The following TMEM232 variants were observed in gnomAD, a reference collection of about 807,000 sequenced individuals.
TMEM232 encodes the protein transmembrane protein 232.
In TMEM232, 80 loss-of-function variants were observed where a neutral mutation model predicts 78.8. The observed-to-expected ratio is 1.01, with a 90% confidence interval of 0.85 to 1.22. The LOEUF (loss-of-function observed/expected upper bound fraction) is 1.22. TMEM232 is among the 50% of genes most tolerant of loss of function. The probability of loss-of-function intolerance (pLI) is 0.00; values close to 1 mark genes in which losing one functional copy is unlikely to be tolerated. For synonymous variants in TMEM232, 297 were observed against 254.3 expected, an observed-to-expected ratio of 1.17 and a Z score of -1.60; for missense variants, 881 against 742.2, an observed-to-expected ratio of 1.19 and a Z score of -2.17.
At chr5:110,718,188 G>C (rs1202290580) in intron 1 of TMEM232, among the ~76,000 whole-genome samples, 3 of 151,934 alleles carry the variant, frequency 2.0e-5, no homozygotes, top group Non-Finnish European at 4.4e-5. Flanking sequence ...ATTATAGAAT[G>C]CCGTGCTAGA....
intron 12 of TMEM232, among the ~76,000 whole-genome samples, chr5:110,490,271 C>A (rs1764940996): frequency 6.6e-6 from 1 of 151,940 alleles, no homozygotes; most frequent in Non-Finnish European, 1.5e-5. Context: ...GTTCAATTTG[C>A]CATAGTATCA....
chr5:110,737,097 T>C (rs902920512), intron 1 of TMEM232, among the ~76,000 whole-genome samples: 4 of 152,124 alleles, frequency 2.6e-5, no homozygotes, highest in African/African-American at 7.2e-5. Context: ...TGACAGGATA[T>C]ATTTATCTGT....
chr5:110,642,368 T>A lies in TMEM232; in HGVS notation c.129A>T (p.Pro43=). 1 of 1,503,890 alleles carries A rather than the reference T, an allele frequency of 6.6e-7. No homozygotes were observed. The highest frequency in any genetic ancestry group is 8.9e-7 in the Non-Finnish European group (1 of 1,129,506). The allele number at this position is 1,503,890 out of a possible 1,614,324, so 93.2% of individuals were successfully genotyped here. ...LSGERGHKSR[P]TFSITKEFIL... ...TGAATTCTTTTGTGATTGAAAATGT[T>A]GGCCTAAATAAAACATTGAAAAATT... Residue 43 remains proline, a synonymous_variant, in exon 3 of 14, where the codon CCA becomes CCT. Coordinates refer to ENST00000455884, the MANE Select transcript of TMEM232 (RefSeq NM_001039763.4).
At chr5:110,391,818 C>G (rs567373442) in intron 3 of TMEM232, among the ~76,000 whole-genome samples, 6 of 152,216 alleles carry the variant, frequency 3.9e-5, no homozygotes, top group Admixed American at 6.5e-5. Context: ...CTTGTAAAAA[C>G]AGAAGAATGA....
intron 6 of TMEM232, among the ~76,000 whole-genome samples, chr5:110,627,359 C>A (rs1784546882): frequency 6.6e-6 from 1 of 151,790 alleles, no homozygotes; most frequent in African/African-American, 2.4e-5. Flanking sequence ...AGTGAAAAAG[C>A]AGAATACAGA....
intron 12 of TMEM232, among the ~76,000 whole-genome samples, chr5:110,458,070 A>C (rs968639847): frequency 6.6e-6 from 1 of 152,118 alleles, no homozygotes; most frequent in Non-Finnish European, 1.5e-5. Context: ...TTCATCTCAA[A>C]TTAATCTTTC....
chr5:110,572,883 A>G (rs1345607731), intron 10 of TMEM232, among the ~76,000 whole-genome samples: 1 of 152,102 alleles, frequency 6.6e-6, no homozygotes, highest in Admixed American at 6.6e-5. Context: ...TCTAATTTGC[A>G]CATCTAGACA....
intron 12 of TMEM232, among the ~76,000 whole-genome samples, chr5:110,490,185 GA>G (rs1277406495): frequency 1.5e-5 from 2 of 132,118 alleles, no homozygotes; most frequent in Non-Finnish European, 3.1e-5. Context: ...AAGAAAGAAA[GA>G]AAGAAAAAGT....
intron 10 of TMEM232, among the ~76,000 whole-genome samples, chr5:110,592,347 G>A (rs1214289030): frequency 1.3e-5 from 2 of 152,006 alleles, no homozygotes; most frequent in East Asian, 1.9e-4. Flanking sequence ...CATTTCTCAC[G>A]AGAAACCACA....
At chr5:110,549,368 G>A (rs1022756618) in intron 11 of TMEM232, among the ~76,000 whole-genome samples, 37 of 151,872 alleles carry the variant, frequency 2.4e-4, no homozygotes, top group Non-Finnish European at 5.4e-4. Context: ...TAATCCCAGT[G>A]TTTTGAGGGG....
intron 1 of TMEM232, among the ~76,000 whole-genome samples, chr5:110,697,112 G>A (rs906507775): frequency 1.3e-5 from 2 of 152,042 alleles, no homozygotes; most frequent in African/African-American, 2.4e-5. Flanking sequence ...ACAGACCAAC[G>A]GAACACAACA....
intron 3 of TMEM232, among the ~76,000 whole-genome samples, chr5:110,396,180 G>A (rs929426718): frequency 6.6e-6 from 1 of 152,112 alleles, no homozygotes; most frequent in Non-Finnish European, 1.5e-5. Flanking sequence ...GAATGCAGGG[G>A]AAACTACTGC....
At chr5:110,690,495 G>A (rs1289639140) in intron 1 of TMEM232, among the ~76,000 whole-genome samples, 2 of 152,174 alleles carry the variant, frequency 1.3e-5, no homozygotes, top group African/African-American at 4.8e-5. Flanking sequence ...AGAGGATGTG[G>A]AGAAATAGGA....
intron 1 of TMEM232, among the ~76,000 whole-genome samples, chr5:110,721,072 CA>C (rs2150346778): frequency 6.6e-6 from 1 of 152,126 alleles, no homozygotes; most frequent in South Asian, 2.1e-4. Context: ...TGCTTAAAAA[CA>C]AACTAGTTGC....
chr5:110,613,329 A>C (rs992481587), intron 8 of TMEM232, among the ~76,000 whole-genome samples: 3 of 152,196 alleles, frequency 2.0e-5, no homozygotes, highest in Admixed American at 1.3e-4. Context: ...ACTGACCAAT[A>C]GCATCAGAAA....
At chr5:110,695,892 A>C (rs186770750) in intron 1 of TMEM232, among the ~76,000 whole-genome samples, 1,645 of 152,342 alleles carry the variant, frequency 0.011, 22 homozygotes, top group Non-Finnish European at 0.014. Flanking sequence ...AGCTGGTACC[A>C]TTCCTTCTGA....
chr5:110,419,308 A>G (rs1756429091), downstream of TMEM232, among the ~76,000 whole-genome samples: 1 of 152,128 alleles, frequency 6.6e-6, no homozygotes, highest in Admixed American at 6.5e-5. Context: ...AGAAAGAGAA[A>G]CATAAGTTTG....
intron 1 of TMEM232, among the ~76,000 whole-genome samples, chr5:110,685,715 G>A (rs555163901): frequency 5.1e-4 from 78 of 152,130 alleles, no homozygotes; most frequent in Middle Eastern, 3.4e-3. Context: ...ACTGTTATTC[G>A]CAATAGTCCC....
intron 10 of TMEM232, among the ~76,000 whole-genome samples, chr5:110,575,008 A>C (rs1029047878): frequency 1.3e-5 from 2 of 151,982 alleles, no homozygotes; most frequent in African/African-American, 2.4e-5. Context: ...GTCAAAAGAG[A>C]GGGTAGTCAT....
Sources: allele counts gnomAD v4.1 joint callset (sites outside exome capture counted in the v4.1 genomes callset), GRCh38; gene constraint gnomAD v4.1.1; transcripts MANE v1.5; gene names NCBI Gene and HGNC (gene_info 2026-07-23, HGNC 2026-07-21).